The following UNC5C variants were observed in gnomAD, a reference collection of about 807,000 sequenced individuals.
The protein encoded by UNC5C is unc-5 netrin receptor C.
UNC5C carries 47 observed loss-of-function variants against 99.8 expected under a neutral mutation model. The observed-to-expected ratio is 0.47, with a 90% CI of 0.37 to 0.60. UNC5C has a LOEUF of 0.60. UNC5C is among the 20% of genes least tolerant of loss of function. The probability of loss-of-function intolerance (pLI) is 0.00; values close to 1 mark genes in which losing one functional copy is unlikely to be tolerated. For synonymous variants in UNC5C, 487 were observed against 452.2 expected (o/e 1.08, Z -0.98); for missense variants, 1,062 against 1,165.9 (o/e 0.91, Z 1.30).
intron 7 of UNC5C, among the ~76,000 whole-genome samples, chr4:95,226,706 T>A (rs1579247561): frequency 6.6e-6 from 1 of 152,098 alleles, no homozygotes; most frequent in African/African-American, 2.4e-5. Context: ...AAAGATATGG[T>A]GGTATGTTTC....
intron 1 of UNC5C, among the ~76,000 whole-genome samples, chr4:95,497,613 G>A (rs1721664897): frequency 6.6e-6 from 1 of 151,832 alleles, no homozygotes; most frequent in Admixed American, 6.6e-5. Flanking sequence ...AAGACTTAAT[G>A]TAATGAATTT....
At chr4:95,536,554 A>G (rs1440192072) in intron 1 of UNC5C, among the ~76,000 whole-genome samples, 1 of 152,224 alleles carries the variant, frequency 6.6e-6, no homozygotes, top group African/African-American at 2.4e-5. Flanking sequence ...GTTATTTTCA[A>G]CATAATTCAG....
intron 7 of UNC5C, among the ~76,000 whole-genome samples, chr4:95,238,371 A>T (rs1400811281): frequency 6.6e-6 from 1 of 152,180 alleles, no homozygotes; most frequent in Non-Finnish European, 1.5e-5. Context: ...TTAACATTTT[A>T]GCTATAACAG....
intron 14 of UNC5C, among the ~76,000 whole-genome samples, chr4:95,180,940 G>T (rs1265498568): frequency 1.3e-5 from 2 of 152,150 alleles, no homozygotes; most frequent in South Asian, 2.1e-4. Context: ...TGAAGGTTTT[G>T]TTGAGGATCT....
At chr4:95,270,239 A>G (rs1740609316) in intron 4 of UNC5C, among the ~76,000 whole-genome samples, 1 of 152,212 alleles carries the variant, frequency 6.6e-6, no homozygotes, top group Non-Finnish European at 1.5e-5. Context: ...TAAAAACCAG[A>G]GGCTACTTTG....
At chr4:95,207,299 T>G (rs1737916866) in intron 10 of UNC5C, among the ~76,000 whole-genome samples, 1 of 152,196 alleles carries the variant, frequency 6.6e-6, no homozygotes, top group African/African-American at 2.4e-5. Flanking sequence ...CAGGAATAAT[T>G]TAGGCTAGTA....
intron 1 of UNC5C, among the ~76,000 whole-genome samples, chr4:95,458,478 ATC>A (rs1350137612): frequency 2.0e-5 from 3 of 151,766 alleles, no homozygotes; most frequent in African/African-American, 4.8e-5. Context: ...TGTCTTTTCC[ATC>A]TCTTTTTTCT....
chr4:95,371,166 C>T (rs879850253), intron 1 of UNC5C, among the ~76,000 whole-genome samples: 3 of 152,122 alleles, frequency 2.0e-5, no homozygotes, highest in African/African-American at 7.2e-5. Context: ...TTTTCAGTAA[C>T]ACTTCAGTGA....
At chr4:95,266,580 G>T (rs977445956) in intron 4 of UNC5C, among the ~76,000 whole-genome samples, 6 of 152,030 alleles carry the variant, frequency 3.9e-5, no homozygotes, top group Admixed American at 1.3e-4. Flanking sequence ...TTATAGTTTC[G>T]CTGTTACTGC....
At chr4:95,505,964 T>G (rs1348663701) in intron 1 of UNC5C, among the ~76,000 whole-genome samples, 2 of 152,044 alleles carry the variant, frequency 1.3e-5, no homozygotes, top group Non-Finnish European at 2.9e-5. Flanking sequence ...AGGGTTTTTT[T>G]TATTGAAAGT....
At chr4:95,209,862 C>T (rs188047173) in intron 10 of UNC5C, among the ~76,000 whole-genome samples, 1 of 152,284 alleles carries the variant, frequency 6.6e-6, no homozygotes, top group Non-Finnish European at 1.5e-5. Context: ...CCAATGATTG[C>T]ATTTTTCTGA....
intron 3 of UNC5C, among the ~76,000 whole-genome samples, chr4:95,292,232 CACACATATATATATAT>C (rs1741493441): frequency 1.2e-5 from 1 of 80,546 alleles, no homozygotes. Flanking sequence ...CACACACACA[CACACATATATATATAT>C]ATATATATAT....
At chr4:95,250,082 A>T (rs1231829990) in intron 5 of UNC5C, among the ~76,000 whole-genome samples, 3 of 152,144 alleles carry the variant, frequency 2.0e-5, no homozygotes, top group Non-Finnish European at 2.9e-5. Flanking sequence ...GCACTCAGGT[A>T]GGCTTCCTTC....
At chr4:95,543,767 AGGACTTAACT>A (rs1722984767) in intron 1 of UNC5C, among the ~76,000 whole-genome samples, 1 of 152,286 alleles carries the variant, frequency 6.6e-6, no homozygotes, top group East Asian at 1.9e-4. Flanking sequence ...GCTTCTTGCA[AGGACTTAACT>A]GGGAGTGACT....
intron 3 of UNC5C, among the ~76,000 whole-genome samples, chr4:95,281,198 C>G (rs540091394): frequency 3.3e-5 from 5 of 152,174 alleles, no homozygotes; most frequent in Admixed American, 2.6e-4. Context: ...TTAAATTAAT[C>G]AAGATATCAC....
chr4:95,262,238 T>C (rs1345490128), intron 4 of UNC5C, among the ~76,000 whole-genome samples: 3 of 152,188 alleles, frequency 2.0e-5, no homozygotes, highest in Non-Finnish European at 2.9e-5. Context: ...TTTGCTTTCA[T>C]CAAAACTGAA....
At chr4:95,433,645 A>G (rs1746694122) in intron 1 of UNC5C, among the ~76,000 whole-genome samples, 1 of 152,144 alleles carries the variant, frequency 6.6e-6, no homozygotes, top group Non-Finnish European at 1.5e-5. Context: ...TTAAACATGT[A>G]TATCATTAAC....
intron 10 of UNC5C, among the ~76,000 whole-genome samples, chr4:95,207,427 A>C (rs1194352871): frequency 6.6e-6 from 1 of 152,198 alleles, no homozygotes; most frequent in East Asian, 1.9e-4. Context: ...GAAAGAACCT[A>C]AAATATGCAG....
intron 1 of UNC5C, among the ~76,000 whole-genome samples, chr4:95,417,909 C>T (rs1456126359): frequency 6.6e-6 from 1 of 152,102 alleles, no homozygotes; most frequent in Non-Finnish European, 1.5e-5. Context: ...TCCTGTGCTT[C>T]CTTTCCTGCA....
Sources: gnomAD v4.1 joint callset for allele counts (sites outside exome capture counted in the v4.1 genomes callset) on GRCh38, gnomAD v4.1.1 for gene constraint, MANE v1.5 for transcripts, NCBI Gene and HGNC (gene_info 2026-07-23, HGNC 2026-07-21) for gene names.